JMJD1C: variants seen among roughly 807,000 people sequenced by gnomAD.
JMJD1C encodes jumonji domain containing 1C, also known as jumonji domain-containing protein 1C.
In JMJD1C, 31 loss-of-function variants were observed where a neutral mutation model predicts 245.3. The observed-to-expected ratio is 0.13, with a 90% CI of 0.09 to 0.17. The LOEUF (loss-of-function observed/expected upper bound fraction) is 0.17. JMJD1C is among the 10% of genes least tolerant of loss of function. The pLI is 1.00. For synonymous variants in JMJD1C, 1,057 were observed against 1,017.4 expected (o/e 1.04, Z -0.74); for missense variants, 2,691 against 3,000.2 (o/e 0.90, Z 2.41).
chr10:63,341,539 C>T (rs1943379039), intron 2 of JMJD1C, among the ~76,000 whole-genome samples: 1 of 152,158 alleles, frequency 6.6e-6, no homozygotes, highest in South Asian at 2.1e-4. Context: ...GAATTTCTTA[C>T]CAGCCCATAT....
At chr10:63,415,925 A>G (rs1235305955) in intron 1 of JMJD1C, among the ~76,000 whole-genome samples, 1 of 152,184 alleles carries the variant, frequency 6.6e-6, no homozygotes, top group African/African-American at 2.4e-5. Context: ...CAGAGCTTAC[A>G]GTGTTTTTGC....
Position 63,465,693 on chromosome 10 carries a change from CT to C in JMJD1C, c.-32del, listed in dbSNP as rs1219737881. The C allele has an allele frequency of 1.6e-5, 25 of 1,603,380 alleles. No homozygotes were observed. Among genetic ancestry groups the C allele is most frequent in the Non-Finnish European group, 2.1e-5 (25 of 1,179,398 alleles). The stretch of plus-strand genomic sequence containing the variant: ...TCGCTGCCGAAGCGGCCGCTGCCTC[CT>C]CCAGTGCGAGGGAACCGATGAAACC... On this transcript the variant is annotated 5_prime_UTR_variant, in exon 1 of 26. Coordinates refer to ENST00000399262, the MANE Select transcript of JMJD1C (RefSeq NM_032776.3).
intron 1 of JMJD1C, chr10:63,521,546 A>G (rs2133322968): frequency 2.1e-6 from 3 of 1,426,712 alleles, no homozygotes; most frequent in Non-Finnish European, 1.9e-6. Context: ...CCCCGTGAAG[A>G]TGGTGTCCTG....
Position 63,208,446 on chromosome 10 carries a change from A to T in JMJD1C, c.3223T>A (p.Ser1075Thr). ...KQDMDVERSV[S>T]DLYKMKHSVP... ...GAGTGCTTCATTTTATAAAGATCTG[A>T]TACTGAGCGTTCTACATCCATATCT... Residue 1075 changes from serine to threonine, a missense_variant, in exon 10 of 26, where the codon TCA becomes ACA. By Grantham distance (58) the Ser-to-Thr change is moderately conservative. Transcript: ENST00000399262. The T allele has an allele frequency of 6.2e-7, 1 of 1,614,018 alleles. No individual in the cohort carries two copies. Among genetic ancestry groups the T allele is most frequent in the South Asian group, 1.1e-5 (1 of 91,074 alleles).
chr10:63,371,676 A>G (rs1023282682), intron 2 of JMJD1C, among the ~76,000 whole-genome samples: 2 of 121,920 alleles, frequency 1.6e-5, no homozygotes, highest in African/African-American at 2.7e-5. Flanking sequence ...TATGGTTCTT[A>G]TAACATAATA....
intron 24 of JMJD1C, 101 bp downstream of exon 24, chr10:63,176,174 CTGGTGCAGGTAATTCTCTTATT>C (rs748637421): frequency 1.2e-4 from 61 of 530,072 alleles, no homozygotes; most frequent in Admixed American, 1.7e-4. Flanking sequence ...TAAAGGCAGA[CTGGTGCAGGTAATTCTCTTATT>C]TGCATCTTCT....
chr10:63,514,758 A>G (rs939344268), intron 1 of JMJD1C, among the ~76,000 whole-genome samples: 1 of 152,110 alleles, frequency 6.6e-6, no homozygotes, highest in Admixed American at 6.5e-5. Context: ...ACACACATGT[A>G]CCCCAGAATC....
intron 3 of JMJD1C, among the ~76,000 whole-genome samples, chr10:63,263,959 TACACACACACACACACACACACAC>T (rs746833882): frequency 2.0e-4 from 17 of 83,018 alleles, no homozygotes; most frequent in South Asian, 1.5e-3. Flanking sequence ...AAAATACACA[TACACACACACACACACACACACAC>T]ACACACACAC....
intron 2 of JMJD1C, among the ~76,000 whole-genome samples, chr10:63,326,801 C>A (rs1941574282): frequency 6.6e-6 from 1 of 152,162 alleles, no homozygotes; most frequent in Admixed American, 6.5e-5. Flanking sequence ...ATTGCTTGAA[C>A]CCAGGAAGCA....
intron 10 of JMJD1C, chr10:63,203,344 G>T: frequency 1.0e-6 from 1 of 984,128 alleles, no homozygotes; most frequent in Non-Finnish European, 1.2e-6. Flanking sequence ...TAACTCAATG[G>T]ATACTTCTTC....
rs1174450794 is a variant in JMJD1C at position 63,411,905 on chromosome 10, A to ATTTT, written c.169-31427_169-31424dup. Among the ~76,000 whole-genome samples the ATTTT allele has an allele frequency of 3.2e-5, 4 of 126,186 alleles. No homozygotes were observed. The Admixed American group carries it at 3.3e-4, about 10-fold the overall frequency. 82.8% of individuals were successfully genotyped at this position (126,186 alleles called of 152,430 possible). A position where few individuals can be genotyped will look rare whatever the true frequency, so the allele number is the denominator to read the frequency against. On this transcript the variant is annotated intron_variant, in intron 1 of 25. Transcript: ENST00000399262. ...GGCGTAAGCCACAGCGCCTGGCCCA[A>ATTTT]TTTTTTTTTTTTTTTTTTTTTTTAA...
At position 63,206,937 on chromosome 10, in the gene JMJD1C, T is replaced by C. The variant is rs1846698306; in HGVS notation, c.4732A>G (p.Ile1578Val). The C allele has an allele frequency of 1.2e-6, 2 of 1,612,368 alleles. No homozygotes were observed. The highest frequency in any genetic ancestry group is 1.1e-5 in the South Asian group (1 of 90,762). Residue 1578 changes from isoleucine to valine, a missense_variant, in exon 10 of 26, where the codon ATT becomes GTT. By Grantham distance (29) the Ile-to-Val change is conservative. Transcript: ENST00000399262. ...MENSGNSVSE[I>V]IKPCSVNLIA... is the part of the protein sequence containing the mutation. The stretch of plus-strand genomic sequence containing the variant: ...AAGTTGACAGAACATGGCTTAATAA[T>C]TTCTGATACAGAATTCCCTGAATTT...
At chr10:63,462,416 T>A (rs1011037228) in intron 1 of JMJD1C, among the ~76,000 whole-genome samples, 1 of 152,248 alleles carries the variant, frequency 6.6e-6, no homozygotes, top group African/African-American at 2.4e-5. Flanking sequence ...ATATGTTTGC[T>A]ACCACGGTGT....
At chr10:63,475,789 G>C (rs924749795) in intron 1 of JMJD1C, among the ~76,000 whole-genome samples, 1 of 152,204 alleles carries the variant, frequency 6.6e-6, no homozygotes, top group African/African-American at 2.4e-5. Flanking sequence ...CAAAAGAACA[G>C]AGAGAGACCC....
chr10:63,514,108 A>G (rs930003962), intron 1 of JMJD1C, among the ~76,000 whole-genome samples: 2 of 152,202 alleles, frequency 1.3e-5, no homozygotes, highest in African/African-American at 4.8e-5. Context: ...CAGAGTGGCT[A>G]TTACTAAAAA....
chr10:63,269,164 G>C (rs149190478), intron 2 of JMJD1C: 1 of 985,386 alleles, frequency 1.0e-6, no homozygotes, highest in South Asian at 4.7e-5. Flanking sequence ...ACTGTACTCT[G>C]TCTGCGTGGA....
chr10:63,234,911 T>C (rs1324082863), intron 3 of JMJD1C, among the ~76,000 whole-genome samples: 1 of 152,190 alleles, frequency 6.6e-6, no homozygotes, highest in Non-Finnish European at 1.5e-5. Context: ...AATACATTTT[T>C]TATGAACTAA....
intron 3 of JMJD1C, among the ~76,000 whole-genome samples, chr10:63,255,393 C>T (rs1853741069): frequency 6.6e-6 from 1 of 152,058 alleles, no homozygotes; most frequent in African/African-American, 2.4e-5. Flanking sequence ...TACTGACACA[C>T]GTAAGTCAAA....
At chr10:63,437,133 T>C (rs768204542) in intron 1 of JMJD1C, among the ~76,000 whole-genome samples, 1 of 152,174 alleles carries the variant, frequency 6.6e-6, no homozygotes, top group Non-Finnish European at 1.5e-5. Context: ...TGTTTCTGTA[T>C]CTAATCAATC....
Sources: allele counts gnomAD v4.1 joint callset (sites outside exome capture counted in the v4.1 genomes callset), GRCh38; gene constraint gnomAD v4.1.1; transcripts MANE v1.5; gene names NCBI Gene and HGNC (gene_info 2026-07-23, HGNC 2026-07-21).